ZFHX3: variants seen among roughly 807,000 people sequenced by gnomAD.
The protein encoded by ZFHX3 is zinc finger homeobox 3.
In ZFHX3, 42 loss-of-function variants were observed where a neutral mutation model predicts 279.1. The ratio of observed to expected loss-of-function variants is 0.15; its 90% CI spans 0.12 to 0.19. The LOEUF (loss-of-function observed/expected upper bound fraction) is 0.19, where lower values mean the gene tolerates loss of function less well. Among genes scored for constraint, ZFHX3 ranks in the 10% least tolerant of loss-of-function variants. ZFHX3 has a pLI of 1.00. For synonymous variants in ZFHX3, 2,293 were observed against 1,957.8 expected, an observed-to-expected ratio of 1.17 and a Z score of -4.52; for missense variants, 4,981 against 4,754.0, an observed-to-expected ratio of 1.05 and a Z score of -1.40.
At chr16:73,541,001 G>C (rs2020000797) in intron 2 of ZFHX3, among the ~76,000 whole-genome samples, 1 of 152,136 alleles carries the variant, frequency 6.6e-6, no homozygotes, top group African/African-American at 2.4e-5. Flanking sequence ...AGTTTCCCCA[G>C]CTGTTTCCAG....
chr16:73,750,423 T>C (rs1262345464), intron 1 of ZFHX3, among the ~76,000 whole-genome samples: 1 of 152,114 alleles, frequency 6.6e-6, no homozygotes, highest in Non-Finnish European at 1.5e-5. Flanking sequence ...CAGATGACAC[T>C]AAATTGGGAG....
At chr16:73,203,355 T>A (rs1321100953) in intron 5 of ZFHX3, among the ~76,000 whole-genome samples, 1 of 152,228 alleles carries the variant, frequency 6.6e-6, no homozygotes, top group Non-Finnish European at 1.5e-5. Context: ...CCATGGCCCA[T>A]CCAGTCCTCT....
chr16:73,185,255 C>T (rs1425996180), intron 5 of ZFHX3, among the ~76,000 whole-genome samples: 3 of 152,102 alleles, frequency 2.0e-5, no homozygotes, highest in South Asian at 2.1e-4. Context: ...TACTATGTGC[C>T]GGGAAGTGGG....
chr16:73,532,518 C>A (rs2019823781), intron 2 of ZFHX3, among the ~76,000 whole-genome samples: 1 of 152,112 alleles, frequency 6.6e-6, no homozygotes, highest in Non-Finnish European at 1.5e-5. Flanking sequence ...TCACCAGAAG[C>A]AGAAATCAGT....
intron 2 of ZFHX3, among the ~76,000 whole-genome samples, chr16:73,671,903 T>A (rs1037031610): frequency 6.6e-6 from 1 of 152,004 alleles, no homozygotes; most frequent in Non-Finnish European, 1.5e-5. Flanking sequence ...ATTATACATA[T>A]AGAAAAAGCA....
intron 1 of ZFHX3, among the ~76,000 whole-genome samples, chr16:73,682,680 G>A (rs996997154): frequency 4.0e-5 from 6 of 151,564 alleles, no homozygotes; most frequent in Admixed American, 6.6e-5. Context: ...CCAGCTACTC[G>A]GGAGGCTGAG....
chr16:73,877,500 G>C (rs1227089540), intron 1 of ZFHX3, among the ~76,000 whole-genome samples: 1 of 152,096 alleles, frequency 6.6e-6, no homozygotes, highest in African/African-American at 2.4e-5. Flanking sequence ...ATCAAGTTGG[G>C]TATTTTTAAG....
chr16:73,550,908 A>C (rs896010933), intron 2 of ZFHX3, among the ~76,000 whole-genome samples: 1 of 152,224 alleles, frequency 6.6e-6, no homozygotes, highest in Non-Finnish European at 1.5e-5. Context: ...AGGAATCTAA[A>C]GCTAATTGCA....
rs2035209452 is a variant in ZFHX3 at position 72,783,418 on chromosome 16, A to C, written c.*3746T>G. On this transcript the variant is annotated 3_prime_UTR_variant, in exon 10 of 10. Coordinates refer to ENST00000268489, the MANE Select transcript of ZFHX3 (RefSeq NM_006885.4). ...AAATGTTTTAATTTATTATTTAAAA[A>C]AAATATATGTCCATGAACATCAAGT... 1 of 152,538 alleles carries C rather than the reference A, an allele frequency of 6.6e-6. No individual in the cohort carries two copies. The highest frequency in any genetic ancestry group is 1.9e-4 in the East Asian group (1 of 5,196). 9.4% of individuals were successfully genotyped at this position (152,538 alleles called of 1,614,324 possible).
rs876014 is a variant in ZFHX3 at position 73,019,777 on chromosome 16, G to A, written c.-50+27975C>T. Among the ~76,000 whole-genome samples, 1,298 of 152,160 alleles carry A rather than the reference G, an allele frequency of 8.5e-3. 17 individuals carry two copies. Among genetic ancestry groups the A allele is most frequent in the African/African-American group, 0.03 (1,228 of 41,514 alleles). ...CACGTAGAGCAATCAGGGCTCACCC[G>A]CCCCCTTCCCTTTCTCTATGGCTTC... is the stretch of plus-strand genomic sequence containing the variant. On this transcript the variant is annotated intron_variant, in intron 1 of 9. Transcript: ENST00000268489.
chr16:73,617,721 T>A (rs550190388), intron 2 of ZFHX3, among the ~76,000 whole-genome samples: 2 of 152,296 alleles, frequency 1.3e-5, no homozygotes, highest in South Asian at 4.1e-4. Context: ...GATAGGCAAC[T>A]GTGTTATAAA....
chr16:73,127,677 C>A (rs1392420604), intron 7 of ZFHX3: 1 of 1,186,706 alleles, frequency 8.4e-7, no homozygotes, highest in African/African-American at 1.6e-5. Context: ...TCATTTAAAA[C>A]CCCGATGCTT....
intron 1 of ZFHX3, among the ~76,000 whole-genome samples, chr16:73,885,235 A>G (rs945009161): frequency 6.6e-6 from 1 of 152,124 alleles, no homozygotes; most frequent in African/African-American, 2.4e-5. Context: ...AGGGTGAGAC[A>G]GGGGGGTATT....
intron 3 of ZFHX3, among the ~76,000 whole-genome samples, chr16:73,453,582 A>C (rs947794632): frequency 6.6e-6 from 1 of 152,198 alleles, no homozygotes; most frequent in Admixed American, 6.5e-5. Flanking sequence ...CAGACATGCA[A>C]ATGAAGGAAC....
At chr16:73,840,244 G>T (rs769809750) in intron 1 of ZFHX3, among the ~76,000 whole-genome samples, 2 of 152,134 alleles carry the variant, frequency 1.3e-5, no homozygotes, top group African/African-American at 4.8e-5. Context: ...CAGCCAAGAG[G>T]AGGAAAAGAA....
At chr16:73,337,601 G>A (rs145927624) in intron 3 of ZFHX3, among the ~76,000 whole-genome samples, 85 of 152,008 alleles carry the variant, frequency 5.6e-4, no homozygotes, top group East Asian at 1.8e-3. Context: ...CTGACTCACC[G>A]TCTTTGTCTC....
At chr16:73,560,632 G>A (rs944206469) in intron 2 of ZFHX3, among the ~76,000 whole-genome samples, 1 of 152,254 alleles carries the variant, frequency 6.6e-6, no homozygotes, top group African/African-American at 2.4e-5. Context: ...TGCGAAGGGA[G>A]TGGCCCAGAC....
chr16:72,943,086 G>A (rs1960489878), intron 3 of ZFHX3, among the ~76,000 whole-genome samples: 1 of 152,218 alleles, frequency 6.6e-6, no homozygotes, highest in Admixed American at 6.5e-5. Flanking sequence ...AGACGTAAGA[G>A]AATGGAGAAT....
chr16:73,194,486 C>T (rs746916736), intron 5 of ZFHX3, among the ~76,000 whole-genome samples: 4 of 152,200 alleles, frequency 2.6e-5, no homozygotes, highest in Non-Finnish European at 5.9e-5. Context: ...AGGCATGAGC[C>T]ACTGCATCCA....
Sources: allele counts gnomAD v4.1 joint callset (sites outside exome capture counted in the v4.1 genomes callset), GRCh38; gene constraint gnomAD v4.1.1; transcripts MANE v1.5; gene names NCBI Gene and HGNC (gene_info 2026-07-23, HGNC 2026-07-21).